The following CEP120 variants were observed in gnomAD, a reference collection of about 807,000 sequenced individuals.
The protein encoded by CEP120 is centrosomal protein of 120 kDa.
Under a neutral mutation model 126.5 loss-of-function variants are expected in CEP120, and 113 were observed. The observed-to-expected ratio is 0.89, with a 90% CI of 0.77 to 1.04. The LOEUF is 1.04. Ranked by LOEUF, CEP120 falls within the 50% of genes least tolerant of loss-of-function variation. The pLI, the probability that CEP120 is intolerant of heterozygous loss-of-function variation, is 0.00. For missense variants in CEP120, 1,230 were observed against 1,155.7 expected (o/e 1.06, Z -0.93); for synonymous variants, 400 against 394.3 (o/e 1.01, Z -0.17).
At chr5:123,398,563 C>T (rs1429330857) in intron 5 of CEP120, among the ~76,000 whole-genome samples, 1 of 152,042 alleles carries the variant, frequency 6.6e-6, no homozygotes, top group Non-Finnish European at 1.5e-5. Flanking sequence ...CACCTGGGCC[C>T]CTCTGTGTAG....
At chr5:123,392,147 TA>T (rs1270119459) in intron 6 of CEP120, among the ~76,000 whole-genome samples, 6 of 152,188 alleles carry the variant, frequency 3.9e-5, no homozygotes, top group Admixed American at 3.9e-4. Context: ...AAAGTTATTA[TA>T]AGGTGTAATA....
chr5:123,413,460 G>A (rs768821562), intron 3 of CEP120, among the ~76,000 whole-genome samples: 19 of 151,962 alleles, frequency 1.3e-4, no homozygotes, highest in Non-Finnish European at 2.4e-4. Flanking sequence ...TAAATTATTT[G>A]AATATCCCCA....
chr5:123,375,357 C>T (rs1489446222), intron 16 of CEP120, among the ~76,000 whole-genome samples: 3 of 151,754 alleles, frequency 2.0e-5, no homozygotes, highest in African/African-American at 4.8e-5. Context: ...CCGTCTCATT[C>T]GGTTGCTCAG....
intron 4 of CEP120, among the ~76,000 whole-genome samples, chr5:123,410,926 A>G (rs187140111): frequency 6.6e-6 from 1 of 152,354 alleles, no homozygotes. Context: ...CATATTTGTA[A>G]AATACATATC....
chr5:123,372,058 A>G (rs533866985), intron 17 of CEP120, among the ~76,000 whole-genome samples: 2 of 152,244 alleles, frequency 1.3e-5, no homozygotes, highest in Non-Finnish European at 2.9e-5. Flanking sequence ...AATTTAAATG[A>G]GAAGAACATG....
intron 5 of CEP120, among the ~76,000 whole-genome samples, chr5:123,394,822 C>G (rs551628965): frequency 1.3e-5 from 2 of 152,316 alleles, no homozygotes; most frequent in East Asian, 3.9e-4. Flanking sequence ...GTTACAATCA[C>G]AAATTCTGGA....
chr5:123,363,580 G>A (rs2127000387), intron 18 of CEP120, among the ~76,000 whole-genome samples: 1 of 151,378 alleles, frequency 6.6e-6, no homozygotes, highest in Admixed American at 6.6e-5. Flanking sequence ...ATATCTACCT[G>A]TCTTCATTTG....
rs757859399 is a variant in CEP120, at chr5:123,382,727, A to T, written c.2013+10T>A. On this transcript the variant is annotated intron_variant, in intron 13 of 19. Transcript: ENST00000306467. ...AAGCAGATTTTTTAAAGTAACATTT[A>T]AAAAGTAACCTGATTTTCAAATATA... 23 of 1,606,848 alleles carry T rather than the reference A, an allele frequency of 1.4e-5. No homozygotes were observed. The highest frequency in any genetic ancestry group is 2.7e-5 in the African/African-American group (2 of 74,614).
intron 4 of CEP120, chr5:123,402,176 C>T (rs1249793081): frequency 2.5e-6 from 4 of 1,576,698 alleles, no homozygotes; most frequent in African/African-American, 1.3e-5. Flanking sequence ...TGCCGCTGGC[C>T]CCACCACAGC....
intron 15 of CEP120, 118 bp downstream of exon 15, chr5:123,378,218 G>T: frequency 3.1e-6 from 2 of 640,340 alleles, no homozygotes; most frequent in Non-Finnish European, 5.3e-6. Context: ...CTTATAAGCA[G>T]CCCATCCTGA....
chr5:123,357,663 G>A (rs1342397219), intron 18 of CEP120, among the ~76,000 whole-genome samples: 3 of 152,166 alleles, frequency 2.0e-5, no homozygotes, highest in Non-Finnish European at 2.9e-5. Context: ...TTGGGAGGCT[G>A]AGGTGGATGA....
chr5:123,369,841 C>T (rs10069343), intron 17 of CEP120, among the ~76,000 whole-genome samples: 40,767 of 151,792 alleles, frequency 0.27, 5,680 homozygotes, highest in Middle Eastern at 0.3. Flanking sequence ...TTTACTCTCT[C>T]CTCTATAATG....
Position 123,389,962 on chromosome 5 carries a change from C to G in CEP120, c.1217G>C (p.Ser406Thr). The G allele has an allele frequency of 6.2e-7, 1 of 1,614,156 alleles. No homozygotes were observed. The highest frequency in any genetic ancestry group is 8.5e-7 in the Non-Finnish European group (1 of 1,180,020). The change falls in exon 8 of 20, where the codon AGT (serine) becomes ACT (threonine). Residue 406 changes from serine (S) to threonine (T), a missense_variant. Ser to Thr is a moderately conservative substitution (Grantham distance 58). Transcript: ENST00000306467. ...KDDATESEVE[S>T]LQYDKDTKPN... ...TTTGGTGTCCTTATCATACTGTAAACTTTCCACTTCACTTTCTGTTGCATC... is the reference window on the plus strand; with the variant it reads ...TTTGGTGTCCTTATCATACTGTAAAGTTTCCACTTCACTTTCTGTTGCATC...
In CEP120 at chr5:123,382,034, G is replaced by A. The variant is rs1049110933; in HGVS notation, c.2103+77C>T. 103 of 996,484 alleles carry A rather than the reference G, an allele frequency of 1.0e-4. No homozygotes were observed. The African/African-American group carries it at 1.7e-3, about 16-fold the overall frequency. The allele number at this position is 996,484 out of a possible 1,614,324, so 61.7% of individuals were successfully genotyped here. ...ACTAAAATTAGTTATTCCTTCCAGAGACTGTCTTTAACGCAAATACAAGAT... is the reference window on the plus strand; with the variant it reads ...ACTAAAATTAGTTATTCCTTCCAGAAACTGTCTTTAACGCAAATACAAGAT... On this transcript the variant is annotated intron_variant, in intron 14 of 19. Transcript: ENST00000306467.
chr5:123,402,823 G>C (rs1401816063), intron 4 of CEP120, among the ~76,000 whole-genome samples: 1 of 152,208 alleles, frequency 6.6e-6, no homozygotes, highest in East Asian at 1.9e-4. Flanking sequence ...GATGGTATTA[G>C]GAGATATGGT....
rs1219188365 is a variant in CEP120, at chr5:123,389,921, T to C, written c.1255+3A>G. 2.5e-6 allele frequency: 4 copies of C among 1,610,938 alleles called. No individual in the cohort carries two copies. Among genetic ancestry groups the C allele is most frequent in the African/African-American group, 2.7e-5 (2 of 74,838 alleles). On this transcript the variant is annotated splice_donor_region_variant and intron_variant, in intron 8 of 19. Coordinates refer to ENST00000306467, the MANE Select transcript of CEP120 (RefSeq NM_001375405.1). ...TCTATAAACAAACAACAAAAAACCT[T>C]ACCTTTTGGATTTGGTTTGGTGTCC...
intron 3 of CEP120, among the ~76,000 whole-genome samples, chr5:123,414,533 T>C (rs1467257425): frequency 2.0e-4 from 30 of 152,214 alleles, no homozygotes; most frequent in Non-Finnish European, 1.5e-5. Flanking sequence ...AGAATGGCGT[T>C]TTAAATAAAA....
Position 123,346,734 on chromosome 5 carries a change from T to G in CEP120, c.2746A>C (p.Lys916Gln). The G allele has an allele frequency of 6.2e-7, 1 of 1,609,076 alleles. No homozygotes were observed. Among genetic ancestry groups the G allele is most frequent in the Non-Finnish European group, 8.5e-7 (1 of 1,178,544 alleles). ...ATCTCTGTGGAATCCTGGTATTGTT[T>G]TTGCTCTTGTTGCCTTAACCTGAGA... ...ELNRLRQQEQ[K>Q]QYQDSTEIAS... The change falls in exon 20 of 20, where the codon AAA becomes CAA. Residue 916 changes from lysine to glutamine, a missense_variant. Lys to Gln is a moderately conservative substitution (Grantham distance 53). Transcript: ENST00000306467.
chr5:123,389,210 A>G (rs1483671252), intron 8 of CEP120, among the ~76,000 whole-genome samples: 1 of 152,204 alleles, frequency 6.6e-6, no homozygotes, highest in Non-Finnish European at 1.5e-5. Context: ...TTATTAAATC[A>G]GATAAATATG....
Sources: gnomAD v4.1 joint callset for allele counts (sites outside exome capture counted in the v4.1 genomes callset) on GRCh38, gnomAD v4.1.1 for gene constraint, MANE v1.5 for transcripts, NCBI Gene and HGNC (gene_info 2026-07-23, HGNC 2026-07-21) for gene names.